MAP1B: variants seen among roughly 807,000 people sequenced by gnomAD.
MAP1B encodes microtubule associated protein 1B, also known as microtubule-associated protein 1B.
In MAP1B, 12 loss-of-function variants were observed where a neutral mutation model predicts 176.1. The ratio of observed to expected loss-of-function variants is 0.07; its 90% CI spans 0.04 to 0.11. The LOEUF (loss-of-function observed/expected upper bound fraction) is 0.11. Ranked by LOEUF, MAP1B falls within the 10% of genes least tolerant of loss-of-function variation. The probability of loss-of-function intolerance (pLI) is 1.00; values close to 1 mark genes in which losing one functional copy is unlikely to be tolerated. For synonymous variants in MAP1B, 1,044 were observed against 1,135.0 expected (o/e 0.92, Z 1.61); for missense variants, 2,523 against 2,990.5 (o/e 0.84, Z 3.65).
rs527591859 is a variant in MAP1B, at chr5:72,180,602, A to T, written c.287-3141A>T. On this transcript the variant is annotated intron_variant, in intron 2 of 6. Transcript: ENST00000296755. ...AGTATTTAGCATTCATAATAAATGA[A>T]CTTTCTTTCCTGTGGTTTATTCTTC... Among the ~76,000 whole-genome samples, 5 of 152,334 alleles carry T rather than the reference A, an allele frequency of 3.3e-5. No homozygotes were observed. In the East Asian group the frequency reaches 5.8e-4, roughly 18 times the overall value.
intron 2 of MAP1B, among the ~76,000 whole-genome samples, chr5:72,145,541 A>G (rs1746029260): frequency 6.6e-6 from 1 of 152,252 alleles, no homozygotes; most frequent in African/African-American, 2.4e-5. Context: ...GATGGAGAAT[A>G]ATACATGAAT....
intron 5 of MAP1B, 137 bp downstream of exon 5, chr5:72,200,504 C>A: frequency 1.8e-6 from 2 of 1,107,222 alleles, no homozygotes; most frequent in Non-Finnish European, 2.6e-6. Context: ...CTGTACTCTT[C>A]TCCTCTGCCC....
intron 2 of MAP1B, among the ~76,000 whole-genome samples, chr5:72,116,660 A>C (rs1745443643): frequency 6.6e-6 from 1 of 152,070 alleles, no homozygotes; most frequent in South Asian, 2.1e-4. Flanking sequence ...AAGACTCCAA[A>C]CCTGGAATAT....
intron 2 of MAP1B, among the ~76,000 whole-genome samples, chr5:72,177,001 A>G (rs1746663996): frequency 6.6e-6 from 1 of 152,174 alleles, no homozygotes; most frequent in East Asian, 1.9e-4. Flanking sequence ...ATTTCCTGGT[A>G]ACAGGTGGCC....
chr5:72,171,377 C>T (rs1746537349), intron 2 of MAP1B, among the ~76,000 whole-genome samples: 2 of 151,882 alleles, frequency 1.3e-5, no homozygotes, highest in Admixed American at 6.6e-5. Flanking sequence ...CACTTGAGCC[C>T]AAGAGTTTGA....
chr5:72,151,292 A>G (rs747266829), intron 2 of MAP1B, among the ~76,000 whole-genome samples: 46 of 152,164 alleles, frequency 3.0e-4, no homozygotes, highest in Non-Finnish European at 6.5e-4. Context: ...GCACCAAGCC[A>G]TTCATGAGGG....
intron 4 of MAP1B, among the ~76,000 whole-genome samples, chr5:72,188,174 C>T (rs568232046): frequency 2.0e-5 from 3 of 152,374 alleles, no homozygotes; most frequent in South Asian, 4.1e-4. Flanking sequence ...CTACAATTCT[C>T]ACTCTGCCTA....
rs1325953274 is a variant in MAP1B at position 72,205,855 on chromosome 5, T to A, written c.*616T>A. ...AAGAGTCTTAATTTTCTAAAACAAG[T>A]TGGCTAGAAGAAAGTAAAAAGAACA... On this transcript the variant is annotated 3_prime_UTR_variant, in exon 7 of 7. Coordinates refer to ENST00000296755, the MANE Select transcript of MAP1B (RefSeq NM_005909.5). 2.0e-5 allele frequency: 3 copies of A among 152,356 alleles called. No individual in the cohort carries two copies. The highest frequency in any genetic ancestry group is 4.4e-5 in the Non-Finnish European group (3 of 68,084). 9.4% of individuals were successfully genotyped at this position (152,356 alleles called of 1,614,324 possible).
chr5:72,143,137 A>G (rs1158996919), intron 2 of MAP1B, among the ~76,000 whole-genome samples: 2 of 152,192 alleles, frequency 1.3e-5, no homozygotes, highest in African/African-American at 2.4e-5. Context: ...CTAAGTGTAG[A>G]AACATCTTTG....
At chr5:72,165,373 T>C (rs1350128984) in intron 2 of MAP1B, among the ~76,000 whole-genome samples, 2 of 152,218 alleles carry the variant, frequency 1.3e-5, no homozygotes, top group Non-Finnish European at 2.9e-5. Flanking sequence ...AATGAATAGA[T>C]ACTTAAGTCA....
chr5:72,175,740 A>G (rs760262826), intron 2 of MAP1B, among the ~76,000 whole-genome samples: 19 of 152,232 alleles, frequency 1.2e-4, no homozygotes, highest in African/African-American at 4.6e-4. Flanking sequence ...AATCCTGCAC[A>G]TGGAAAACCA....
chr5:72,192,284 A>T (rs1291670058), intron 4 of MAP1B, among the ~76,000 whole-genome samples: 1 of 152,232 alleles, frequency 6.6e-6, no homozygotes, highest in African/African-American at 2.4e-5. Flanking sequence ...CCAGCAAATC[A>T]TTTGAGCAAA....
chr5:72,147,176 C>T (rs1388689140), intron 2 of MAP1B, among the ~76,000 whole-genome samples: 1 of 152,044 alleles, frequency 6.6e-6, no homozygotes, highest in Non-Finnish European at 1.5e-5. Context: ...ACCGTGTTGG[C>T]TAGGCTGGTC....
At chr5:72,152,716 G>A (rs1746163976) in intron 2 of MAP1B, among the ~76,000 whole-genome samples, 1 of 152,220 alleles carries the variant, frequency 6.6e-6, no homozygotes, top group Admixed American at 6.5e-5. Context: ...TTACAGGCAT[G>A]AGCCACCGTG....
chr5:72,151,073 G>A (rs1351786984), intron 2 of MAP1B, among the ~76,000 whole-genome samples: 1 of 152,158 alleles, frequency 6.6e-6, no homozygotes, highest in Non-Finnish European at 1.5e-5. Context: ...GGATCTGCAG[G>A]CTGTACAAGA....
At chr5:72,107,848 G>A (rs1178376077) in intron 1 of MAP1B, 133 bp downstream of exon 1, 2 of 869,646 alleles carry the variant, frequency 2.3e-6, no homozygotes, top group African/African-American at 3.4e-5. Flanking sequence ...CTCATACTTG[G>A]TCCAGACCCT....
chr5:72,186,671 T>G lies in MAP1B; in HGVS notation c.427T>G (p.Cys143Gly), dbSNP rs200370988. The G allele has an allele frequency of 6.2e-7, 1 of 1,614,224 alleles. No homozygotes were observed. Among genetic ancestry groups the G allele is most frequent in the East Asian group, 2.2e-5 (1 of 44,888 alleles). Residue 143 changes from cysteine (C) to glycine (G), a missense_variant, in exon 4 of 7, where the codon TGC becomes GGC. Around this residue, in one of 4 missense-constraint regions of MAP1B, gnomAD observed 307 missense variants for 438.4 expected, o/e 0.70. Transcript: ENST00000296755. The surrounding 1 kb of genome is among the most constrained non-coding windows in gnomAD (Gnocchi z 4.3). Reference protein sequence around the residue: ...RHKLLVLTGQCFENTGELILQ... With the variant: ...RHKLLVLTGQGFENTGELILQ... ...CAAGCTGCTCGTGCTGACCGGGCAGTGCTTTGAAAATACCGGAGAGCTCAT... is the reference window on the plus strand; with the variant it reads ...CAAGCTGCTCGTGCTGACCGGGCAGGGCTTTGAAAATACCGGAGAGCTCAT...
chr5:72,146,072 G>A (rs1034800915), intron 2 of MAP1B, among the ~76,000 whole-genome samples: 2 of 152,212 alleles, frequency 1.3e-5, no homozygotes, highest in African/African-American at 4.8e-5. Flanking sequence ...TTTAAAGAGA[G>A]TCTCTTTTAC....
In MAP1B at chr5:72,206,618, T is replaced by C. The variant is rs1316855580; in HGVS notation, c.*1379T>C. ...ACAGAAGAATTTTTTTTTTAAGATA[T>C]GTGAGAACTTTTCATAGATGAACTT... On this transcript the variant is annotated 3_prime_UTR_variant, in exon 7 of 7. Coordinates refer to ENST00000296755, the MANE Select transcript of MAP1B (RefSeq NM_005909.5). The C allele has an allele frequency of 2.0e-5, 3 of 152,406 alleles. No individual in the cohort carries two copies. Among genetic ancestry groups the C allele is most frequent in the Non-Finnish European group, 4.4e-5 (3 of 68,038 alleles). 9.4% of individuals were successfully genotyped at this position (152,406 alleles called of 1,614,324 possible).
Sources: allele counts gnomAD v4.1 joint callset (sites outside exome capture counted in the v4.1 genomes callset), GRCh38; gene constraint gnomAD v4.1.1; regional missense constraint gnomAD v4.1.1; non-coding constraint Gnocchi (gnomAD v3.1); transcripts MANE v1.5; gene names NCBI Gene and HGNC (gene_info 2026-07-23, HGNC 2026-07-21).